ZRANB3: variants seen among roughly 807,000 people sequenced by gnomAD.
ZRANB3 encodes DNA annealing helicase and endonuclease ZRANB3.
A neutral mutation model predicts 133.8 loss-of-function variants in ZRANB3; 125 were observed. The observed-to-expected ratio is 0.93, with a 90% CI of 0.81 to 1.08. The LOEUF is 1.08. ZRANB3 is among the 50% of genes least tolerant of loss of function. The pLI, the probability that ZRANB3 is intolerant of heterozygous loss-of-function variation, is 0.00. For missense variants in ZRANB3, 1,229 were observed against 1,275.5 expected (o/e 0.96, Z 0.56); for synonymous variants, 387 against 432.7 (o/e 0.89, Z 1.31).
At chr2:135,240,940 GT>G (rs1212589154) in intron 12 of ZRANB3, among the ~76,000 whole-genome samples, 3 of 152,094 alleles carry the variant, frequency 2.0e-5, no homozygotes, top group African/African-American at 7.2e-5. Context: ...TGAAAATGTT[GT>G]TCCTTGGTAG....
intron 8 of ZRANB3, among the ~76,000 whole-genome samples, chr2:135,283,421 T>C (rs1167302003): frequency 1.3e-5 from 2 of 152,020 alleles, no homozygotes; most frequent in Non-Finnish European, 2.9e-5. Flanking sequence ...CCATCCTGGC[T>C]AACATGGTGA....
intron 8 of ZRANB3, among the ~76,000 whole-genome samples, chr2:135,305,737 C>T (rs1682656987): frequency 6.6e-6 from 1 of 152,118 alleles, no homozygotes; most frequent in Non-Finnish European, 1.5e-5. Flanking sequence ...AGGTGTAGGG[C>T]TCCTTTAAGT....
intron 12 of ZRANB3, chr2:135,238,882 CAT>C (rs998613482): frequency 1.3e-5 from 2 of 152,194 alleles, no homozygotes; most frequent in Admixed American, 6.5e-5. Flanking sequence ...AATTGCCAGA[CAT>C]GTGAGTGAAC....
chr2:135,392,561 C>A (rs1330745265), intron 2 of ZRANB3, among the ~76,000 whole-genome samples: 1 of 152,004 alleles, frequency 6.6e-6, no homozygotes, highest in Non-Finnish European at 1.5e-5. Flanking sequence ...ACCAGCCTGG[C>A]CAACATGGTG....
At chr2:135,419,699 GTTT>G (rs57043904) in intron 2 of ZRANB3, among the ~76,000 whole-genome samples, 6 of 142,418 alleles carry the variant, frequency 4.2e-5, no homozygotes, top group African/African-American at 1.3e-4. Flanking sequence ...CCTCACAAAG[GTTT>G]TTTTTTTTTT....
intron 2 of ZRANB3, among the ~76,000 whole-genome samples, chr2:135,398,691 T>A (rs922854097): frequency 1.3e-5 from 2 of 151,120 alleles, no homozygotes; most frequent in Non-Finnish European, 3.0e-5. Flanking sequence ...GCTAATTTTT[T>A]TTTTTGTATT....
intron 15 of ZRANB3, among the ~76,000 whole-genome samples, chr2:135,220,175 G>C (rs1056548181): frequency 1.3e-5 from 2 of 151,982 alleles, no homozygotes; most frequent in African/African-American, 4.8e-5. Flanking sequence ...AAAGTGCTAG[G>C]ATTATAGGCA....
In ZRANB3 at chr2:135,202,875, G is replaced by A. The variant is rs1306162705; in HGVS notation, c.3098C>T (p.Ser1033Phe). The A allele has an allele frequency of 1.9e-6, 3 of 1,610,882 alleles. No individual in the cohort carries two copies. Among genetic ancestry groups the A allele is most frequent in the African/African-American group, 1.3e-5 (1 of 74,992 alleles). Reference sequence around the variant, plus strand: ...GCAGAGAGTCTGCAGGTTGTCCAGGGAACACTGTCCTCCTCCCCCATACAC... The same window carrying A: ...GCAGAGAGTCTGCAGGTTGTCCAGGAAACACTGTCCTCCTCCCCCATACAC... ...KPVYGGGGQC[S>F]LDNLQTLCTV... Residue 1033 changes from serine to phenylalanine, a missense_variant, in exon 20 of 21, where the codon TCC (serine) becomes TTC (phenylalanine). Transcript: ENST00000264159.
intron 17 of ZRANB3, among the ~76,000 whole-genome samples, chr2:135,216,250 G>A (rs977016731): frequency 1.3e-5 from 2 of 151,832 alleles, no homozygotes; most frequent in Non-Finnish European, 1.5e-5. Context: ...CCATGTTCTC[G>A]GTCCCTTGCT....
rs188550450 is a variant in ZRANB3, at chr2:135,364,877, C to T, written c.181-11249G>A. 7.7e-3 allele frequency among the ~76,000 whole-genome samples: 1,165 copies of T among 152,094 alleles called. 34 individuals carry two copies. Among genetic ancestry groups the T allele is most frequent in the Admixed American group, 0.061 (939 of 15,278 alleles). ...CAGCCTGGCCAATATGGTGAAACCC[C>T]GTCTCTACTAAAAATACAAAAATTA... On this transcript the variant is annotated intron_variant, in intron 3 of 20. Coordinates refer to ENST00000264159, the MANE Select transcript of ZRANB3 (RefSeq NM_032143.4).
intron 3 of ZRANB3, among the ~76,000 whole-genome samples, chr2:135,369,094 G>A (rs894065752): frequency 6.6e-6 from 1 of 151,900 alleles, no homozygotes; most frequent in Non-Finnish European, 1.5e-5. Context: ...ATTAAGTAAA[G>A]GGCCTAACTT....
Position 135,408,571 on chromosome 2 carries a change from A to C in ZRANB3, c.162-17751T>G, listed in dbSNP as rs567661293. 4.6e-5 allele frequency among the ~76,000 whole-genome samples: 7 copies of C among 152,308 alleles called. No homozygotes were observed. The South Asian group carries it at 1.5e-3, about 32-fold the overall frequency. On this transcript the variant is annotated intron_variant, in intron 2 of 20. Coordinates refer to ENST00000264159, the MANE Select transcript of ZRANB3 (RefSeq NM_032143.4). ...TTCACAATAGCAAAGACTTGGAACC[A>C]ACCCAAATGTCCAACAATGATAGAC...
At chr2:135,430,900 T>C (rs1180715196) in intron 2 of ZRANB3, among the ~76,000 whole-genome samples, 2 of 152,068 alleles carry the variant, frequency 1.3e-5, no homozygotes, top group East Asian at 3.9e-4. Flanking sequence ...AACTGATACC[T>C]CATACCATAT....
At chr2:135,408,931 T>A (rs1030331999) in intron 2 of ZRANB3, among the ~76,000 whole-genome samples, 7 of 151,866 alleles carry the variant, frequency 4.6e-5, no homozygotes, top group African/African-American at 1.7e-4. Flanking sequence ...CATATGTAAC[T>A]AACCTGCACG....
At chr2:135,386,317 G>C (rs1220516593) in intron 3 of ZRANB3, among the ~76,000 whole-genome samples, 1 of 152,160 alleles carries the variant, frequency 6.6e-6, no homozygotes, top group African/African-American at 2.4e-5. Flanking sequence ...AGTTAGAATG[G>C]AGATCATTAA....
chr2:135,434,710 G>A (rs943749543), intron 2 of ZRANB3, among the ~76,000 whole-genome samples: 48 of 152,170 alleles, frequency 3.2e-4, no homozygotes, highest in African/African-American at 1.2e-3. Context: ...TTAAATATGA[G>A]TGTACTTCAC....
chr2:135,510,834 T>G (rs1232277690), intron 1 of ZRANB3: 7 of 869,918 alleles, frequency 8.0e-6, no homozygotes, highest in African/African-American at 3.3e-5. Context: ...ACTGTTAATG[T>G]GCAACTCCAC....
intron 17 of ZRANB3, among the ~76,000 whole-genome samples, chr2:135,214,143 G>A (rs989629748): frequency 5.3e-5 from 8 of 152,206 alleles, no homozygotes; most frequent in Non-Finnish European, 1.0e-4. Flanking sequence ...AGCATTACTA[G>A]AAAACTAGTA....
In ZRANB3 at chr2:135,466,173, A is replaced by G. The variant is rs1050746074; in HGVS notation, c.161+38156T>C. Among the ~76,000 whole-genome samples, 5 of 152,272 alleles carry G rather than the reference A, an allele frequency of 3.3e-5. No individual in the cohort carries two copies. In the East Asian group the frequency reaches 9.7e-4, roughly 29 times the overall value. On this transcript the variant is annotated intron_variant, in intron 2 of 20. Coordinates refer to ENST00000264159, the MANE Select transcript of ZRANB3 (RefSeq NM_032143.4). ...TGAGGCAGGCAGATCACCTGAGGTC[A>G]GGAGTTTGAGACCAGCCTGGCCAAC...
Sources: gnomAD v4.1 joint callset for allele counts (sites outside exome capture counted in the v4.1 genomes callset) on GRCh38, gnomAD v4.1.1 for gene constraint, MANE v1.5 for transcripts, NCBI Gene and HGNC (gene_info 2026-07-23, HGNC 2026-07-21) for gene names.